The following BAP1 variants were observed in gnomAD, a reference collection of about 807,000 sequenced individuals.
BAP1 encodes BRCA1 associated deubiquitinase 1.
Under a neutral mutation model 77.2 loss-of-function variants are expected in BAP1, and 16 were observed. The observed-to-expected ratio is 0.21, with a 90% CI of 0.14 to 0.31. BAP1 has a LOEUF of 0.31. Among genes scored for constraint, BAP1 ranks in the 10% least tolerant of loss-of-function variants. The pLI is 1.00. For missense variants in BAP1, 699 were observed against 967.3 expected, an observed-to-expected ratio of 0.72 and a Z score of 3.68; for synonymous variants, 362 against 385.2, an observed-to-expected ratio of 0.94 and a Z score of 0.71.
At chr3:52,408,224 T>G in intron 4 of BAP1, 147 bp from the exon 5 acceptor site, 1 of 1,415,778 alleles carries the variant, frequency 7.1e-7, no homozygotes, top group Non-Finnish European at 9.7e-7. Flanking sequence ...CTAATGTTTA[T>G]TCATTTAACA....
Position 52,407,318 on chromosome 3 carries a change from T to C in BAP1, c.438-2A>G, listed in dbSNP as rs587776879. 1 of 1,614,026 alleles carries C rather than the reference T, an allele frequency of 6.2e-7. No homozygotes were observed. The highest frequency in any genetic ancestry group is 8.5e-7 in the Non-Finnish European group (1 of 1,180,014). On this transcript the variant is annotated splice_acceptor_variant, in intron 6 of 16. Transcript: ENST00000460680. LOFTEE classifies it high-confidence loss of function. Reference sequence around the variant, plus strand: ...TCAGGGAGGTGGCGTGGCTCGGGCCTGGGGAAAAACAGAGTCAGGGCCCAA... The same window carrying C: ...TCAGGGAGGTGGCGTGGCTCGGGCCCGGGGAAAAACAGAGTCAGGGCCCAA...
Position 52,409,781 on chromosome 3 carries a change from C to G in BAP1, c.38-38G>C, listed in dbSNP as rs1437547721. 3 of 1,613,148 alleles carry G rather than the reference C, an allele frequency of 1.9e-6. No individual in the cohort carries two copies. The East Asian group carries it at 6.7e-5, about 36-fold the overall frequency. On this transcript the variant is annotated intron_variant, in intron 1 of 16. Transcript: ENST00000460680. Reference sequence around the variant, plus strand: ...ACAAGAGGAGGGGGTGATGGTCAGGCAGGCGCGTCCCGGGCCCATCCGGCC... The same window carrying G: ...ACAAGAGGAGGGGGTGATGGTCAGGGAGGCGCGTCCCGGGCCCATCCGGCC...
In BAP1 at chr3:52,406,003, G is replaced by C. The variant is rs1578224668; in HGVS notation, c.784-91C>G. The C allele has an allele frequency of 5.7e-6, 9 of 1,577,780 alleles. No homozygotes were observed. The East Asian group carries it at 2.0e-4, about 35-fold the overall frequency. ...GGGCTGAGGACCTAAAGGAATAATGGCCTTGGCTCTACCCATTCACTCACA... is the reference window on the plus strand; with the variant it reads ...GGGCTGAGGACCTAAAGGAATAATGCCCTTGGCTCTACCCATTCACTCACA... On this transcript the variant is annotated intron_variant, in intron 9 of 16. Transcript: ENST00000460680. The surrounding 1 kb of genome is among the most constrained non-coding windows in gnomAD (Gnocchi z 4.6).
intron 3 of BAP1, 24 bp downstream of exon 3, chr3:52,409,530 C>T (rs1381615831): frequency 1.2e-6 from 2 of 1,614,100 alleles, no homozygotes; most frequent in Non-Finnish European, 1.7e-6. Flanking sequence ...GTGTAAGGGG[C>T]AGCCCTGGTG....
chr3:52,409,968 C>G lies in BAP1; in HGVS notation c.-90G>C. Reference sequence around the variant, plus strand: ...GGAGCCCCCACCGCCCCCGGGGCCCCTCAGTCCCACACACAGACAACGGGC... The same window carrying G: ...GGAGCCCCCACCGCCCCCGGGGCCCGTCAGTCCCACACACAGACAACGGGC... On this transcript the variant is annotated 5_prime_UTR_variant, in exon 1 of 17. Transcript: ENST00000460680. The G allele has an allele frequency of 6.5e-7, 1 of 1,531,696 alleles. No homozygotes were observed. The highest frequency in any genetic ancestry group is 8.8e-7 in the Non-Finnish European group (1 of 1,141,198). 94.9% of individuals were successfully genotyped at this position (1,531,696 alleles called of 1,614,324 possible).
intron 3 of BAP1, among the ~76,000 whole-genome samples, chr3:52,409,104 A>G (rs1322714210): frequency 6.6e-6 from 1 of 152,212 alleles, no homozygotes; most frequent in African/African-American, 2.4e-5. Context: ...ACTCTCTTAC[A>G]CATCTATTCT....
Position 52,402,141 on chromosome 3 carries a change from A to G in BAP1, c.*147T>C. The G allele has an allele frequency of 1.5e-6, 2 of 1,345,218 alleles. No individual in the cohort carries two copies. The highest frequency in any genetic ancestry group is 2.5e-5 in the East Asian group (1 of 39,590). 83.3% of individuals were successfully genotyped at this position (1,345,218 alleles called of 1,614,324 possible). A position where few individuals can be genotyped will look rare whatever the true frequency, so the allele number is the denominator to read the frequency against. On this transcript the variant is annotated 3_prime_UTR_variant, in exon 17 of 17. Transcript: ENST00000460680. This position sits in a 1 kb window ranked among gnomAD's most constrained non-coding sequence, Gnocchi z 5.3. ...CAGGCCTCAGGGCACGATGGAAGGAATGTGGCCTGGTTCCTCCCATTCCCA... is the reference window on the plus strand; with the variant it reads ...CAGGCCTCAGGGCACGATGGAAGGAGTGTGGCCTGGTTCCTCCCATTCCCA...
Position 52,405,065 on chromosome 3 carries a change from C to G in BAP1, c.1116+45G>C. On this transcript the variant is annotated intron_variant, in intron 11 of 16. Coordinates refer to ENST00000460680, the MANE Select transcript of BAP1 (RefSeq NM_004656.4). ...GGGAAAATTGCCTGTTGCAGCCTCTCAAGAGAATCAAGTAGAGAATCCTGC... is the reference window on the plus strand; with the variant it reads ...GGGAAAATTGCCTGTTGCAGCCTCTGAAGAGAATCAAGTAGAGAATCCTGC... The G allele has an allele frequency of 1.9e-6, 3 of 1,611,256 alleles. No individual in the cohort carries two copies. The East Asian group carries it at 6.7e-5, about 36-fold the overall frequency.
Position 52,404,521 on chromosome 3 carries a change from G to A in BAP1, c.1182C>T (p.Tyr394=), listed in dbSNP as rs1364087255. ...SRVPVRPPQQ[Y]SDDEDDYEDD... is the part of the protein sequence containing the mutation. ...CCTCATAGTCATCCTCATCATCTGAGTACTGCTGGGGTGGGCGGACTGGAA... is the reference window on the plus strand; with the variant it reads ...CCTCATAGTCATCCTCATCATCTGAATACTGCTGGGGTGGGCGGACTGGAA... The change falls in exon 12 of 17, where the codon TAC becomes TAT. Residue 394 remains tyrosine, a synonymous_variant. Transcript: ENST00000460680. 6.2e-7 allele frequency: 1 copy of A among 1,614,172 alleles called. No individual in the cohort carries two copies. The highest frequency in any genetic ancestry group is 8.5e-7 in the Non-Finnish European group (1 of 1,180,038).
chr3:52,402,649 T>C lies in BAP1; in HGVS notation c.2009A>G (p.Asn670Ser). 6.2e-7 allele frequency: 1 copy of C among 1,614,216 alleles called. No homozygotes were observed. Among genetic ancestry groups the C allele is most frequent in the Non-Finnish European group, 8.5e-7 (1 of 1,180,040 alleles). The part of the protein sequence containing the change: ...FKIDDQRRTH[N>S]YDEFICTFIS... ...AAAGGTGCAGATGAACTCATCGTAGTTGTGGGTCCTTCTCTGGTCATCAAT... is the reference window on the plus strand; with the variant it reads ...AAAGGTGCAGATGAACTCATCGTAGCTGTGGGTCCTTCTCTGGTCATCAAT... The change falls in exon 16 of 17, where the codon AAC (asparagine) becomes AGC (serine). Residue 670 changes from asparagine to serine, a missense_variant. Physicochemically the swap from Asn to Ser is conservative, Grantham distance 46 (BLOSUM62 1). Coordinates refer to ENST00000460680, the MANE Select transcript of BAP1 (RefSeq NM_004656.4). The surrounding 1 kb of genome is among the most constrained non-coding windows in gnomAD (Gnocchi z 5.3).
In BAP1 at chr3:52,408,071, G is replaced by T. The variant is rs1304265975; in HGVS notation, c.262C>A (p.Pro88Thr). 3.1e-6 allele frequency: 5 copies of T among 1,606,216 alleles called. No individual in the cohort carries two copies. Among genetic ancestry groups the T allele is most frequent in the Non-Finnish European group, 4.3e-6 (5 of 1,175,918 alleles). The part of the protein sequence containing the change: ...NNMFFAHQLI[P>T]NSCATHALLS... Reference sequence around the variant, plus strand: ...AAGGCATGAGTTGCACAAGAGTTGGGTATCAGCTGTGAAACCAAGAATAGT... The same window carrying T: ...AAGGCATGAGTTGCACAAGAGTTGGTTATCAGCTGTGAAACCAAGAATAGT... Residue 88 changes from proline (P) to threonine (T), a missense_variant, in exon 5 of 17, where the codon CCC becomes ACC. Coordinates refer to ENST00000460680, the MANE Select transcript of BAP1 (RefSeq NM_004656.4).
rs1704970046 is a variant in BAP1 at position 52,401,973 on chromosome 3, T to C, written c.*315A>G. On this transcript the variant is annotated 3_prime_UTR_variant, in exon 17 of 17. Coordinates refer to ENST00000460680, the MANE Select transcript of BAP1 (RefSeq NM_004656.4). Reference sequence around the variant, plus strand: ...AGCCCAGAAAAATAGATGTCTCTGATAGGTAAAATATATATTCTGCTGCCC... The same window carrying C: ...AGCCCAGAAAAATAGATGTCTCTGACAGGTAAAATATATATTCTGCTGCCC... The C allele has an allele frequency of 6.1e-6, 3 of 488,240 alleles. No individual in the cohort carries two copies. In the South Asian group the frequency reaches 7.8e-5, roughly 13 times the overall value. 30.2% of individuals were successfully genotyped at this position (488,240 alleles called of 1,614,324 possible).
At position 52,403,142 on chromosome 3, in the gene BAP1, G is replaced by A. The variant is rs1314020218; in HGVS notation, c.1886C>T (p.Pro629Leu). 2 of 1,613,330 alleles carry A rather than the reference G, an allele frequency of 1.2e-6. No individual in the cohort carries two copies. Among genetic ancestry groups the A allele is most frequent in the Non-Finnish European group, 1.7e-6 (2 of 1,180,012 alleles). ...AAAACCACAACGGAGGCTCACCTTG[G>A]GTGAGTATTTCTCCCCACTCAAGGG... Reference protein sequence around the residue: ...GEPLSGEKYSPKELLALLKCV... With the variant: ...GEPLSGEKYSLKELLALLKCV... The change falls in exon 14 of 17, where the codon CCC (proline) becomes CTC (leucine). Residue 629 changes from proline (P) to leucine (L), a missense_variant. Coordinates refer to ENST00000460680, the MANE Select transcript of BAP1 (RefSeq NM_004656.4). The surrounding 1 kb of genome is among the most constrained non-coding windows in gnomAD (Gnocchi z 4.0).
chr3:52,409,904 C>T lies in BAP1; in HGVS notation c.-26G>A, dbSNP rs778664226. On this transcript the variant is annotated 5_prime_UTR_variant, in exon 1 of 17. Transcript: ENST00000460680. Reference sequence around the variant, plus strand: ...CTTCCCGCGGGGCGGCCCCTCAGCGCCATGTCCAGGCCCTCCCTCCCCACC... The same window carrying T: ...CTTCCCGCGGGGCGGCCCCTCAGCGTCATGTCCAGGCCCTCCCTCCCCACC... 1.9e-6 allele frequency: 3 copies of T among 1,603,224 alleles called. No homozygotes were observed. The highest frequency in any genetic ancestry group is 1.3e-5 in the African/African-American group (1 of 74,944).
At chr3:52,408,100 C>A (rs1197912709) in intron 4 of BAP1, 23 bp from the exon 5 acceptor site, 1 of 1,586,894 alleles carries the variant, frequency 6.3e-7, no homozygotes, top group East Asian at 2.3e-5. Flanking sequence ...GAATAGTCAC[C>A]CATACACAGC....
At chr3:52,404,726 T>C in intron 11 of BAP1, 140 bp from the exon 12 acceptor site, 1 of 1,323,422 alleles carries the variant, frequency 7.6e-7, no homozygotes, top group Non-Finnish European at 1.0e-6. Flanking sequence ...TGGCCTGTCC[T>C]TGGCTTGTGG....
At position 52,409,687 on chromosome 3, in the gene BAP1, G is replaced by C. The variant is rs539725123; in HGVS notation, c.67+27C>G. The C allele has an allele frequency of 1.7e-5, 28 of 1,614,180 alleles. No individual in the cohort carries two copies. The East Asian group carries it at 3.6e-4, about 21-fold the overall frequency. On this transcript the variant is annotated intron_variant, in intron 2 of 16. Transcript: ENST00000460680. ...CGCAGGGGTGGGCCGCCACAGCCCC[G>C]GTCCGGCAGGGAGAAAAGGCTCTTA...
In BAP1 at chr3:52,402,445, AGCAGGTGCTGGCTGCCTCAG is replaced by A; in HGVS notation, c.2057-44_2057-25del. 6.4e-7 allele frequency: 1 copy of A among 1,572,242 alleles called. No homozygotes were observed. The highest frequency in any genetic ancestry group is 8.6e-7 in the Non-Finnish European group (1 of 1,159,456). On this transcript the variant is annotated intron_variant, in intron 16 of 16. Coordinates refer to ENST00000460680, the MANE Select transcript of BAP1 (RefSeq NM_004656.4). The surrounding 1 kb of genome is among the most constrained non-coding windows in gnomAD (Gnocchi z 5.3). Reference sequence around the variant, plus strand: ...GCCTGCGAAGAGGTAGAGACCCTTGAGCAGGTGCTGGCTGCCTCAGGCCAGGAGCTGAGGCTCTCATGGCC... The same window carrying A: ...GCCTGCGAAGAGGTAGAGACCCTTGAGCCAGGAGCTGAGGCTCTCATGGCC...
At chr3:52,409,500 G>A in intron 3 of BAP1, 54 bp downstream of exon 3, 1 of 1,608,480 alleles carries the variant, frequency 6.2e-7, no homozygotes, top group Admixed American at 1.7e-5. Flanking sequence ...TGTTCTCTGG[G>A]ACCTTCCCCA....
Sources: gnomAD v4.1 joint callset for allele counts (sites outside exome capture counted in the v4.1 genomes callset) on GRCh38, gnomAD v4.1.1 for gene constraint, Gnocchi (gnomAD v3.1) non-coding constraint, MANE v1.5 for transcripts, NCBI Gene and HGNC (gene_info 2026-07-23, HGNC 2026-07-21) for gene names.